KCNJ3: variants seen among roughly 807,000 people sequenced by gnomAD.
The protein encoded by KCNJ3 is potassium inwardly rectifying channel subfamily J member 3.
A neutral mutation model predicts 39.2 loss-of-function variants in KCNJ3; 4 were observed. The observed-to-expected ratio is 0.10, with a 90% CI of 0.05 to 0.23. KCNJ3 has a LOEUF of 0.23. Ranked by LOEUF, KCNJ3 falls within the 10% of genes least tolerant of loss-of-function variation. KCNJ3 has a pLI of 1.00. For missense variants in KCNJ3, 276 were observed against 634.9 expected (o/e 0.43, Z 6.08); for synonymous variants, 230 against 237.4 (o/e 0.97, Z 0.29).
intron 2 of KCNJ3, among the ~76,000 whole-genome samples, chr2:154,767,520 C>CT (rs543576622): frequency 3.9e-5 from 6 of 152,154 alleles, no homozygotes; most frequent in South Asian, 2.1e-4. Context: ...TGAACTCATC[C>CT]TTTTTTTATG....
intron 2 of KCNJ3, among the ~76,000 whole-genome samples, chr2:154,753,220 C>T (rs1174026465): frequency 1.3e-5 from 2 of 152,092 alleles, no homozygotes; most frequent in South Asian, 2.1e-4. Context: ...TGACACTCCC[C>T]TGTTACTTTC....
chr2:154,788,643 A>G (rs1254523581), intron 2 of KCNJ3, among the ~76,000 whole-genome samples: 1 of 152,062 alleles, frequency 6.6e-6, no homozygotes, highest in African/African-American at 2.4e-5. Flanking sequence ...TTATTGACAT[A>G]TGTTTTGCAT....
At chr2:154,719,948 C>A (rs1285234225) in intron 2 of KCNJ3, among the ~76,000 whole-genome samples, 6 of 152,012 alleles carry the variant, frequency 3.9e-5, no homozygotes, top group African/African-American at 1.4e-4. Context: ...TTTCTATGCC[C>A]CAGGCTCTGT....
intron 2 of KCNJ3, among the ~76,000 whole-genome samples, chr2:154,763,504 C>T (rs180973306): frequency 2.2e-4 from 34 of 151,922 alleles, no homozygotes; most frequent in Middle Eastern, 3.4e-3. Flanking sequence ...CCATCTATTC[C>T]GGGGACACAG....
chr2:154,851,251 A>AT (rs111855751), intron 2 of KCNJ3, among the ~76,000 whole-genome samples: 9 of 152,000 alleles, frequency 5.9e-5, no homozygotes, highest in East Asian at 3.9e-4. Flanking sequence ...GAAAAAAAAA[A>AT]AATTGTTATC....
At chr2:154,831,000 C>G (rs1301956688) in intron 2 of KCNJ3, among the ~76,000 whole-genome samples, 1 of 152,164 alleles carries the variant, frequency 6.6e-6, no homozygotes, top group Admixed American at 6.5e-5. Context: ...GTTGTCAAGT[C>G]CTGTTAAATT....
chr2:154,814,742 A>G lies in KCNJ3; in HGVS notation c.920-39985A>G, dbSNP rs575099817. Among the ~76,000 whole-genome samples, 3 of 152,342 alleles carry G rather than the reference A, an allele frequency of 2.0e-5. No individual in the cohort carries two copies. The South Asian group carries it at 6.2e-4, about 32-fold the overall frequency. Reference sequence around the variant, plus strand: ...AAAAATCATTTTTACTCACCTTTTAATCTTTTTATTTTATAATTATCTCTG... The same window carrying G: ...AAAAATCATTTTTACTCACCTTTTAGTCTTTTTATTTTATAATTATCTCTG... On this transcript the variant is annotated intron_variant, in intron 2 of 2. Transcript: ENST00000295101.
intron 2 of KCNJ3, among the ~76,000 whole-genome samples, chr2:154,751,494 A>G (rs1235124541): frequency 6.6e-6 from 1 of 152,058 alleles, no homozygotes; most frequent in Admixed American, 6.6e-5. Context: ...GATATGTCCT[A>G]TATGATCTGC....
intron 2 of KCNJ3, among the ~76,000 whole-genome samples, chr2:154,727,303 T>C (rs1685375872): frequency 6.6e-6 from 1 of 151,984 alleles, no homozygotes; most frequent in Admixed American, 6.6e-5. Flanking sequence ...AGAGCATGAA[T>C]GGCCGTGTGT....
At chr2:154,768,185 G>T (rs1260418295) in intron 2 of KCNJ3, among the ~76,000 whole-genome samples, 1 of 152,186 alleles carries the variant, frequency 6.6e-6, no homozygotes, top group Non-Finnish European at 1.5e-5. Flanking sequence ...AAGCTCTTTA[G>T]TTTAATTAGA....
At position 154,856,787 on chromosome 2, in the gene KCNJ3, C is replaced by CTT. The variant is rs1324109247; in HGVS notation, c.*1476_*1477dup. 1 of 152,080 alleles carries CTT rather than the reference C, an allele frequency of 6.6e-6. No individual in the cohort carries two copies. The highest frequency in any genetic ancestry group is 1.5e-5 in the Non-Finnish European group (1 of 68,014). 9.4% of individuals were successfully genotyped at this position (152,080 alleles called of 1,614,324 possible). On this transcript the variant is annotated 3_prime_UTR_variant, in exon 3 of 3. Transcript: ENST00000295101. ...ATCAAAACTAGTGATCAGTAGAACA[C>CTT]TTTCAAAATAAAAATTTGGAATGCA...
intron 2 of KCNJ3, among the ~76,000 whole-genome samples, chr2:154,769,109 A>G (rs903015363): frequency 1.3e-5 from 2 of 152,078 alleles, no homozygotes; most frequent in African/African-American, 4.8e-5. Flanking sequence ...GTTTTTTTAG[A>G]TATACAATCA....
intron 2 of KCNJ3, among the ~76,000 whole-genome samples, chr2:154,840,725 G>GCA (rs1553462166): frequency 6.6e-6 from 1 of 151,754 alleles, no homozygotes; most frequent in Non-Finnish European, 1.5e-5. Flanking sequence ...TCATGATTTG[G>GCA]CTTTGTTGGT....
At chr2:154,700,535 A>C (rs1486427042) in intron 1 of KCNJ3, among the ~76,000 whole-genome samples, 2 of 152,252 alleles carry the variant, frequency 1.3e-5, no homozygotes, top group Non-Finnish European at 2.9e-5. Context: ...AATAGTTCGT[A>C]CAATGAAAAA....
At chr2:154,821,668 GTCTCAC>G (rs1687184141) in intron 2 of KCNJ3, among the ~76,000 whole-genome samples, 1 of 107,802 alleles carries the variant, frequency 9.3e-6, no homozygotes, top group Non-Finnish European at 1.8e-5. Context: ...TTGAGATGGA[GTCTCAC>G]TCTGTCGTCC....
At chr2:154,792,687 A>T (rs1218914749) in intron 2 of KCNJ3, among the ~76,000 whole-genome samples, 17 of 152,114 alleles carry the variant, frequency 1.1e-4, no homozygotes, top group Non-Finnish European at 5.9e-5. Flanking sequence ...TTCATCACCA[A>T]GCCCAAAGGC....
intron 2 of KCNJ3, among the ~76,000 whole-genome samples, chr2:154,814,506 A>T (rs531578465): frequency 6.6e-6 from 1 of 152,038 alleles, no homozygotes; most frequent in Admixed American, 6.6e-5. Flanking sequence ...GTGTGGTGGC[A>T]GGAGCCTGTA....
At chr2:154,743,621 A>G (rs1167008913) in intron 2 of KCNJ3, among the ~76,000 whole-genome samples, 8 of 151,250 alleles carry the variant, frequency 5.3e-5, no homozygotes, top group African/African-American at 1.9e-4. Flanking sequence ...TAGTGTCTAT[A>G]TGCTCATTCA....
At chr2:154,830,483 G>A (rs150491947) in intron 2 of KCNJ3, among the ~76,000 whole-genome samples, 10 of 152,100 alleles carry the variant, frequency 6.6e-5, no homozygotes, top group African/African-American at 1.4e-4. Flanking sequence ...AAAGAGCCTC[G>A]GAAAAAACAA....
Sources: allele counts gnomAD v4.1 joint callset (sites outside exome capture counted in the v4.1 genomes callset), GRCh38; gene constraint gnomAD v4.1.1; transcripts MANE v1.5; gene names NCBI Gene and HGNC (gene_info 2026-07-23, HGNC 2026-07-21).